KIF26B: variants seen among roughly 807,000 people sequenced by gnomAD.
The protein encoded by KIF26B is kinesin-like protein KIF26B.
KIF26B carries 63 observed loss-of-function variants against 151.2 expected under a neutral mutation model. The observed-to-expected ratio is 0.42, with a 90% CI of 0.34 to 0.51. The LOEUF is 0.51. Among genes scored for constraint, KIF26B ranks in the 20% least tolerant of loss-of-function variants. The pLI, the probability that KIF26B is intolerant of heterozygous loss-of-function variation, is 0.07. For missense variants in KIF26B, 2,813 were observed against 2,913.6 expected, an observed-to-expected ratio of 0.97 and a Z score of 0.79; for synonymous variants, 1,357 against 1,262.1, an observed-to-expected ratio of 1.08 and a Z score of -1.59.
intron 4 of KIF26B, among the ~76,000 whole-genome samples, chr1:245,510,051 C>T (rs539177757): frequency 1.8e-4 from 27 of 152,238 alleles, no homozygotes; most frequent in East Asian, 1.4e-3. Flanking sequence ...GTGGGGCATG[C>T]GAAGTTGACA....
intron 2 of KIF26B, among the ~76,000 whole-genome samples, chr1:245,276,001 A>G (rs1216347661): frequency 6.6e-6 from 1 of 152,110 alleles, no homozygotes; most frequent in Non-Finnish European, 1.5e-5. Flanking sequence ...ATAGCCTTTT[A>G]GGGGTTCTAT....
At chr1:245,174,012 G>A (rs6429529) in intron 2 of KIF26B, among the ~76,000 whole-genome samples, 138,071 of 152,262 alleles carry the variant, frequency 0.91, 62,671 homozygotes, top group Admixed American at 0.93. Context: ...CGGCAAATCA[G>A]TCTTTGTGAG....
chr1:245,485,185 A>C (rs1438735854), intron 4 of KIF26B, among the ~76,000 whole-genome samples: 1 of 152,116 alleles, frequency 6.6e-6, no homozygotes, highest in African/African-American at 2.4e-5. Flanking sequence ...GCAGACAGAA[A>C]TAGTGATTAC....
In KIF26B at chr1:245,495,848, G is replaced by A. The variant is rs71636567; in HGVS notation, c.1167-44919G>A. On this transcript the variant is annotated intron_variant, in intron 4 of 14. Coordinates refer to ENST00000407071, the MANE Select transcript of KIF26B (RefSeq NM_018012.4). This position sits in a 1 kb window ranked among gnomAD's most constrained non-coding sequence, Gnocchi z 4.2. ...GAGAAAAAAATTCATTATTTTTAAA[G>A]GAGCAACACTAAGACAGTAACTCAT... Among the ~76,000 whole-genome samples, 5,042 of 152,220 alleles carry A rather than the reference G, an allele frequency of 0.033. 133 individuals carry two copies. The highest frequency in any genetic ancestry group is 0.05 in the Non-Finnish European group (3,381 of 68,004).
chr1:245,635,976 A>G (rs1335484250), intron 9 of KIF26B, among the ~76,000 whole-genome samples: 1 of 152,088 alleles, frequency 6.6e-6, no homozygotes, highest in Admixed American at 6.6e-5. Flanking sequence ...ATTCCATTGT[A>G]TCAGGCAACA....
intron 3 of KIF26B, among the ~76,000 whole-genome samples, chr1:245,376,313 T>C (rs1286626524): frequency 1.3e-5 from 2 of 152,126 alleles, no homozygotes; most frequent in Non-Finnish European, 2.9e-5. Flanking sequence ...TTTTATCTGG[T>C]AGGCAGGACA....
chr1:245,303,812 C>T (rs902083928), intron 2 of KIF26B, among the ~76,000 whole-genome samples: 3 of 152,208 alleles, frequency 2.0e-5, no homozygotes, highest in African/African-American at 7.2e-5. Flanking sequence ...GCAAGTCCTG[C>T]CTGAGGTGCA....
At chr1:245,430,868 A>G (rs1658761066) in intron 4 of KIF26B, among the ~76,000 whole-genome samples, 1 of 152,188 alleles carries the variant, frequency 6.6e-6, no homozygotes, top group South Asian at 2.1e-4. Flanking sequence ...TAGGCAACGC[A>G]TAGGGATCCG....
rs985402841 is a variant in KIF26B at position 245,463,873 on chromosome 1, C to G, written c.1166+44128C>G. On this transcript the variant is annotated intron_variant, in intron 4 of 14. Coordinates refer to ENST00000407071, the MANE Select transcript of KIF26B (RefSeq NM_018012.4). ...GAGACAAGTCCCTTTCAGCTACTTTCTACTTGGGAATACTTGTGAGGTTTT... is the reference window on the plus strand; with the variant it reads ...GAGACAAGTCCCTTTCAGCTACTTTGTACTTGGGAATACTTGTGAGGTTTT... Among the ~76,000 whole-genome samples, 4 of 152,206 alleles carry G rather than the reference C, an allele frequency of 2.6e-5. No homozygotes were observed. The South Asian group carries it at 8.3e-4, about 32-fold the overall frequency.
chr1:245,261,091 C>CTTCCTTCCTTCCTTCCTTCCTCCG (rs1670628389), intron 2 of KIF26B, among the ~76,000 whole-genome samples: 1 of 145,282 alleles, frequency 6.9e-6, no homozygotes, highest in Non-Finnish European at 1.5e-5. Context: ...TCTCTCCCTG[C>CTTCCTTCCTTCCTTCCTTCCTCCG]TTCCTTCCTT....
chr1:245,249,915 T>C (rs1323616741), intron 2 of KIF26B, among the ~76,000 whole-genome samples: 1 of 152,198 alleles, frequency 6.6e-6, no homozygotes, highest in African/African-American at 2.4e-5. Flanking sequence ...TATCTATAAA[T>C]TGTTATACCA....
rs141889261 is a variant in KIF26B at position 245,359,165 on chromosome 1, C to G, written c.466-7669C>G. On this transcript the variant is annotated intron_variant, in intron 2 of 14. Transcript: ENST00000407071. ...TCCCGGGTAGCTGGGATTACAGGCA[C>G]GCACCACCACACCTGGTTAATTTTT... Among the ~76,000 whole-genome samples, 1,380 of 152,074 alleles carry G rather than the reference C, an allele frequency of 9.1e-3. 20 individuals carry two copies. The highest frequency in any genetic ancestry group is 0.039 in the East Asian group (203 of 5,168).
chr1:245,438,114 C>T (rs570271536), intron 4 of KIF26B, among the ~76,000 whole-genome samples: 1 of 152,184 alleles, frequency 6.6e-6, no homozygotes, highest in African/African-American at 2.4e-5. Flanking sequence ...TAAATCCTTT[C>T]GTGTGCTCAA....
At position 245,155,480 on chromosome 1, in the gene KIF26B, A is replaced by C; in HGVS notation, c.56A>C (p.Lys19Thr). 2 of 1,611,288 alleles carry C rather than the reference A, an allele frequency of 1.2e-6. No homozygotes were observed. Among genetic ancestry groups the C allele is most frequent in the Non-Finnish European group, 1.7e-6 (2 of 1,178,410 alleles). Residue 19 changes from lysine (K) to threonine (T), a missense_variant, in exon 1 of 15, where the codon AAA (lysine) becomes ACA (threonine). This residue lies in a region of KIF26B where 676 missense variants were observed against 688.1 expected (regional missense o/e 0.98). Coordinates refer to ENST00000407071, the MANE Select transcript of KIF26B (RefSeq NM_018012.4). ...CTTGCGGTCTCCACCAGGGGCAAGA[A>C]ATACGGGGTAAGTTGTGACGGTACG... Reference protein sequence around the residue: ...ERLAVSTRGKKYGVNEVCSPT... With the variant: ...ERLAVSTRGKTYGVNEVCSPT...
chr1:245,476,871 G>T (rs1660053130), intron 4 of KIF26B, among the ~76,000 whole-genome samples: 1 of 151,722 alleles, frequency 6.6e-6, no homozygotes, highest in African/African-American at 2.4e-5. Flanking sequence ...AACAGCCAGG[G>T]TGTAAACAAT....
intron 2 of KIF26B, chr1:245,216,035 C>T (rs1171144128): frequency 2.0e-5 from 3 of 151,674 alleles, no homozygotes; most frequent in African/African-American, 7.3e-5. Flanking sequence ...CGAGTCCAGC[C>T]TGGGCAACAT....
chr1:245,251,786 A>G (rs1218102959), intron 2 of KIF26B, among the ~76,000 whole-genome samples: 1 of 152,130 alleles, frequency 6.6e-6, no homozygotes, highest in African/African-American at 2.4e-5. Flanking sequence ...GAGTTTATAA[A>G]TCTTAATATT....
chr1:245,504,298 G>GTC (rs985311856), intron 4 of KIF26B, among the ~76,000 whole-genome samples: 9 of 150,132 alleles, frequency 6.0e-5, no homozygotes, highest in Admixed American at 2.7e-4. Flanking sequence ...CTCCTTCTTG[G>GTC]TCTCTCTCTC....
chr1:245,499,099 T>C (rs1310148497), intron 4 of KIF26B, among the ~76,000 whole-genome samples: 2 of 152,082 alleles, frequency 1.3e-5, no homozygotes, highest in Non-Finnish European at 2.9e-5. Context: ...CTAGACCAAA[T>C]CTCTTTTATT....
Sources: gnomAD v4.1 joint callset for allele counts (sites outside exome capture counted in the v4.1 genomes callset) on GRCh38, gnomAD v4.1.1 for gene constraint, gnomAD v4.1.1 regional missense constraint, Gnocchi (gnomAD v3.1) non-coding constraint, MANE v1.5 for transcripts, NCBI Gene and HGNC (gene_info 2026-07-23, HGNC 2026-07-21) for gene names.